Variants in SLC1A7 observed in about 807,000 individuals in gnomAD.
The protein encoded by SLC1A7 is solute carrier family 1 member 7.
Under a neutral mutation model 47.7 loss-of-function variants are expected in SLC1A7, and 40 were observed. That is an observed-to-expected ratio of 0.84 (90% CI 0.65 to 1.09). The LOEUF is 1.09. Among genes scored for constraint, SLC1A7 ranks in the 50% least tolerant of loss-of-function variants. The pLI is 0.00. For missense variants in SLC1A7, 746 were observed against 769.5 expected (o/e 0.97, Z 0.36); for synonymous variants, 323 against 325.6 (o/e 0.99, Z 0.09).
chr1:53,091,691 G>A (rs932005173), intron 7 of SLC1A7, among the ~76,000 whole-genome samples: 1 of 152,170 alleles, frequency 6.6e-6, no homozygotes, highest in African/African-American at 2.4e-5. Flanking sequence ...AGGCCTGCAG[G>A]GCATTTTACA....
At chr1:53,093,687 C>T in intron 5 of SLC1A7, 127 bp from the exon 6 acceptor site, 1 of 647,444 alleles carries the variant, frequency 1.5e-6, no homozygotes, top group Non-Finnish European at 2.7e-6. Context: ...CCCACTCTCT[C>T]TCTCCCTCTC....
chr1:53,096,217 C>T (rs907916830), intron 5 of SLC1A7, among the ~76,000 whole-genome samples: 12 of 150,486 alleles, frequency 8.0e-5, no homozygotes, highest in African/African-American at 2.7e-4. Context: ...CGCCTAGCCT[C>T]GATACACTCA....
intron 4 of SLC1A7, among the ~76,000 whole-genome samples, chr1:53,104,902 T>G (rs1644623309): frequency 6.6e-6 from 1 of 152,196 alleles, no homozygotes; most frequent in Admixed American, 6.5e-5. Flanking sequence ...CACCACAATT[T>G]CGACGAAGGA....
At chr1:53,092,418 A>T in intron 7 of SLC1A7, 136 bp downstream of exon 7, 1 of 683,450 alleles carries the variant, frequency 1.5e-6, no homozygotes, top group Non-Finnish European at 2.6e-6. Flanking sequence ...CCCCAGCACC[A>T]GCCGTCCCCG....
At chr1:53,098,139 C>T (rs1442023034) in intron 5 of SLC1A7, among the ~76,000 whole-genome samples, 1 of 149,564 alleles carries the variant, frequency 6.7e-6, no homozygotes, top group Admixed American at 6.6e-5. Flanking sequence ...GTACACACAC[C>T]ACGTCTTGGT....
At chr1:53,137,287 C>CAAAAAAAAAAAAAAAAA (rs60113708) in intron 1 of SLC1A7, among the ~76,000 whole-genome samples, 17 of 100,750 alleles carry the variant, frequency 1.7e-4, no homozygotes, top group Non-Finnish European at 1.6e-4. Context: ...ACGCTATCTC[C>CAAAAAAAAAAAAAAAAA]AAAAAAAAAA....
Position 53,092,759 on chromosome 1 carries a change from T to G in SLC1A7, c.826A>C (p.Ile276Leu). ...WYFPFGIVFL[I>L]AGKILEMDDP... ...TCCATCTCCAGGATCTTACCCGCAATGAGGAACACAATGCCGAAGGGGAAA... is the reference window on the plus strand; with the variant it reads ...TCCATCTCCAGGATCTTACCCGCAAGGAGGAACACAATGCCGAAGGGGAAA... Residue 276 changes from isoleucine (I) to leucine (L), a missense_variant, in exon 7 of 11, where the codon ATT (isoleucine) becomes CTT (leucine). Ile to Leu is a conservative substitution (Grantham distance 5). Coordinates refer to ENST00000371494, the MANE Select transcript of SLC1A7 (RefSeq NM_006671.6). The G allele has an allele frequency of 6.2e-7, 1 of 1,613,720 alleles. No homozygotes were observed. Among genetic ancestry groups the G allele is most frequent in the Non-Finnish European group, 8.5e-7 (1 of 1,179,828 alleles).
Position 53,128,608 on chromosome 1 carries a change from G to A in SLC1A7, c.215+5742C>T, listed in dbSNP as rs1260628602. ...GGCAGGACCTGGCCAGGGCCCCTGC[G>A]GAGGCCCTGTGGATGTGCAGGTGTG... is the stretch of plus-strand genomic sequence containing the variant. On this transcript the variant is annotated intron_variant, in intron 2 of 10. Transcript: ENST00000371494. Among the ~76,000 whole-genome samples, 15 of 143,222 alleles carry A rather than the reference G, an allele frequency of 1.0e-4. 3 individuals are homozygous for A. Among genetic ancestry groups the A allele is most frequent in the Admixed American group, 4.9e-4 (7 of 14,216 alleles). 94.0% of individuals were successfully genotyped at this position (143,222 alleles called of 152,430 possible).
intron 1 of SLC1A7, among the ~76,000 whole-genome samples, chr1:53,136,672 T>A (rs1270089679): frequency 0.029 from 3,876 of 132,330 alleles, 195 homozygotes; most frequent in African/African-American, 0.083. Context: ...ATATATTTTT[T>A]TTTTTTTTTT....
chr1:53,135,007 G>A (rs1189972280), intron 1 of SLC1A7, among the ~76,000 whole-genome samples: 1 of 152,028 alleles, frequency 6.6e-6, no homozygotes, highest in African/African-American at 2.4e-5. Flanking sequence ...AAGCGAAATG[G>A]CGGATAAGGG....
Position 53,090,594 on chromosome 1 carries a change from T to TTG in SLC1A7, c.1226+17_1226+18insCA, listed in dbSNP as rs1644409122. 6.4e-7 allele frequency: 1 copy of TTG among 1,557,802 alleles called. No homozygotes were observed. Among genetic ancestry groups the TTG allele is most frequent in the African/African-American group, 1.4e-5 (1 of 74,042 alleles). On this transcript the variant is annotated intron_variant, in intron 8 of 10. Coordinates refer to ENST00000371494, the MANE Select transcript of SLC1A7 (RefSeq NM_006671.6). ...CCAGCCCCCGCCCCATCCACCCAGG[T>TTG]GCAGTGTCAGGGTGCACCTGATGGT...
At chr1:53,097,868 C>T (rs887415370) in intron 5 of SLC1A7, among the ~76,000 whole-genome samples, 2 of 149,682 alleles carry the variant, frequency 1.3e-5, no homozygotes, top group East Asian at 2.0e-4. Context: ...AATACTGCAT[C>T]GGTACACTCA....
intron 2 of SLC1A7, among the ~76,000 whole-genome samples, chr1:53,132,030 C>T (rs777954642): frequency 2.9e-4 from 44 of 152,048 alleles, no homozygotes; most frequent in Non-Finnish European, 5.3e-4. Flanking sequence ...AGGAACAGCA[C>T]GTGTGGAGGC....
intron 3 of SLC1A7, among the ~76,000 whole-genome samples, chr1:53,110,942 C>G (rs1360508860): frequency 6.6e-6 from 1 of 152,100 alleles, no homozygotes; most frequent in Non-Finnish European, 1.5e-5. Context: ...CCTTAAACCC[C>G]ACGTGTGCAT....
intron 2 of SLC1A7, among the ~76,000 whole-genome samples, chr1:53,126,749 C>T (rs1557687266): frequency 6.6e-6 from 1 of 152,186 alleles, no homozygotes; most frequent in African/African-American, 2.4e-5. Flanking sequence ...GGTGAATTCA[C>T]CAGTAAGAAT....
intron 1 of SLC1A7, among the ~76,000 whole-genome samples, chr1:53,138,660 G>T (rs1645025427): frequency 6.6e-6 from 1 of 151,658 alleles, no homozygotes; most frequent in Non-Finnish European, 1.5e-5. Context: ...GAGCCACCAG[G>T]CCTAGCCAAA....
At chr1:53,125,680 C>T (rs934777662) in intron 2 of SLC1A7, among the ~76,000 whole-genome samples, 10 of 152,164 alleles carry the variant, frequency 6.6e-5, no homozygotes, top group African/African-American at 9.7e-5. Context: ...TTCGGGGGGA[C>T]CTAGGGGTCT....
At chr1:53,091,130 G>A in intron 7 of SLC1A7, 1 of 641,760 alleles carries the variant, frequency 1.6e-6, no homozygotes, top group Non-Finnish European at 2.6e-6. Context: ...TTAGATTCCA[G>A]CCTCCTGTCA....
Position 53,103,513 on chromosome 1 carries a change from G to C in SLC1A7, c.530C>G (p.Ala177Gly), listed in dbSNP as rs200444900. 26 of 1,612,164 alleles carry C rather than the reference G, an allele frequency of 1.6e-5. No homozygotes were observed. The African/African-American group carries it at 3.3e-4, about 21-fold the overall frequency. The change falls in exon 5 of 11, where the codon GCC (alanine) becomes GGC (glycine). Residue 177 changes from alanine to glycine, a missense_variant. Transcript: ENST00000371494. ...GTAGATGAGGATCCGCCGAGGAGGG[G>C]CCTCCTCTGGTGCCACCTTGGGGGA... ...VKSPKVAPEE[A>G]PPRRILIYGV...
Sources: allele counts gnomAD v4.1 joint callset (sites outside exome capture counted in the v4.1 genomes callset), GRCh38; gene constraint gnomAD v4.1.1; transcripts MANE v1.5; gene names NCBI Gene and HGNC (gene_info 2026-07-23, HGNC 2026-07-21).